Variants in KIF21A observed in about 807,000 individuals in gnomAD.
KIF21A encodes the protein kinesin-like protein KIF21A.
KIF21A carries 114 observed loss-of-function variants against 202.9 expected under a neutral mutation model. That is an observed-to-expected ratio of 0.56 (90% CI 0.48 to 0.66). KIF21A has a LOEUF of 0.66. Among genes scored for constraint, KIF21A ranks in the 30% least tolerant of loss-of-function variants. KIF21A has a pLI of 0.00. For synonymous variants in KIF21A, 667 were observed against 670.8 expected, an observed-to-expected ratio of 0.99 and a Z score of 0.09; for missense variants, 1,677 against 1,994.9, an observed-to-expected ratio of 0.84 and a Z score of 3.04.
intron 37 of KIF21A, among the ~76,000 whole-genome samples, chr12:39,297,400 T>G (rs536777820): frequency 6.6e-6 from 1 of 152,072 alleles, no homozygotes; most frequent in Non-Finnish European, 1.5e-5. Flanking sequence ...TGGAATACTA[T>G]GCAGCCATAA....
chr12:39,421,306 G>A (rs376835292), intron 1 of KIF21A, among the ~76,000 whole-genome samples: 3 of 152,062 alleles, frequency 2.0e-5, no homozygotes, highest in African/African-American at 4.8e-5. Context: ...TCACACAACC[G>A]CAAAATTGCC....
At chr12:39,374,490 C>A (rs1459282058) in intron 1 of KIF21A, among the ~76,000 whole-genome samples, 1 of 152,078 alleles carries the variant, frequency 6.6e-6, no homozygotes, top group Admixed American at 6.6e-5. Context: ...TATTCTACAA[C>A]TAGATGTATT....
Position 39,333,113 on chromosome 12 carries a change from A to G in KIF21A, c.2488-6T>C. The stretch of plus-strand genomic sequence containing the variant: ...TGCCGACGAAGAGCCGTAACCTGAA[A>G]TTGCAGCAAAGGTTGACTCATTCTC... On this transcript the variant is annotated splice_polypyrimidine_tract_variant and splice_region_variant and intron_variant, in intron 18 of 37. Transcript: ENST00000361418. 6.2e-7 allele frequency: 1 copy of G among 1,613,406 alleles called. No individual in the cohort carries two copies. The highest frequency in any genetic ancestry group is 8.5e-7 in the Non-Finnish European group (1 of 1,179,412).
chr12:39,335,923 C>T (rs1378257716), intron 17 of KIF21A, among the ~76,000 whole-genome samples: 1 of 152,144 alleles, frequency 6.6e-6, no homozygotes, highest in Non-Finnish European at 1.5e-5. Flanking sequence ...CCTCACTACC[C>T]CCCTTTTCTC....
chr12:39,329,975 GAAACTGGA>G lies in KIF21A; in HGVS notation c.3340+259_3340+266del, dbSNP rs1280841185. 19 of 376,060 alleles carry G rather than the reference GAAACTGGA, an allele frequency of 5.1e-5. No homozygotes were observed. The Admixed American group carries it at 6.3e-4, about 12-fold the overall frequency. The allele number at this position is 376,060 out of a possible 1,614,324, so 23.3% of individuals were successfully genotyped here. A position where few individuals can be genotyped will look rare whatever the true frequency, so the allele number is the denominator to read the frequency against. ...AAGAGAAAGAACACAGGGGGTTTAT[GAAACTGGA>G]GGCACAACTGGAACTCAGATAATAA... On this transcript the variant is annotated intron_variant, in intron 24 of 37. Transcript: ENST00000361418.
In KIF21A at chr12:39,440,193, A is replaced by C. The variant is rs144052808; in HGVS notation, c.44+2734T>G. ...TATCAAAATATGAATAACCTGTGAAAGCCACTCATTTGTAAATGAACTAAT... is the reference window on the plus strand; with the variant it reads ...TATCAAAATATGAATAACCTGTGAACGCCACTCATTTGTAAATGAACTAAT... On this transcript the variant is annotated intron_variant, in intron 1 of 37. Transcript: ENST00000361418. Among the ~76,000 whole-genome samples the C allele has an allele frequency of 2.0e-3, 306 of 152,344 alleles. 4 individuals carry two copies. The highest frequency in any genetic ancestry group is 7.1e-3 in the African/African-American group (294 of 41,582).
intron 1 of KIF21A, among the ~76,000 whole-genome samples, chr12:39,403,303 A>C (rs1952320021): frequency 6.6e-6 from 1 of 152,228 alleles, no homozygotes; most frequent in African/African-American, 2.4e-5. Flanking sequence ...TGTAAGACAA[A>C]GCATGTTTAC....
chr12:39,338,363 A>C (rs191899936), intron 16 of KIF21A, among the ~76,000 whole-genome samples: 20 of 152,346 alleles, frequency 1.3e-4, no homozygotes, highest in South Asian at 6.2e-4. Flanking sequence ...ATATTTCAAA[A>C]GAGTCAAAAA....
intron 12 of KIF21A, among the ~76,000 whole-genome samples, chr12:39,342,440 A>G (rs1294338625): frequency 6.6e-6 from 1 of 152,204 alleles, no homozygotes; most frequent in East Asian, 1.9e-4. Context: ...CTAGAATGTA[A>G]GGCAATTTAA....
At chr12:39,354,333 C>A (rs1262472726) in intron 10 of KIF21A, among the ~76,000 whole-genome samples, 1 of 151,876 alleles carries the variant, frequency 6.6e-6, no homozygotes, top group Non-Finnish European at 1.5e-5. Context: ...GAATAGATAG[C>A]AAAACAAAAT....
chr12:39,327,626 C>CTTA (rs1490690670), intron 24 of KIF21A, among the ~76,000 whole-genome samples: 1 of 152,206 alleles, frequency 6.6e-6, no homozygotes, highest in Non-Finnish European at 1.5e-5. Context: ...TTAACTCCTG[C>CTTA]TTATGCCTGT....
intron 24 of KIF21A, among the ~76,000 whole-genome samples, chr12:39,329,133 A>C (rs1946258832): frequency 6.6e-6 from 1 of 152,194 alleles, no homozygotes; most frequent in Admixed American, 6.5e-5. Context: ...CTGTGGGTTT[A>C]AATTTCATTG....
At chr12:39,307,044 C>T (rs922827409) in intron 34 of KIF21A, among the ~76,000 whole-genome samples, 8 of 152,052 alleles carry the variant, frequency 5.3e-5, no homozygotes, top group African/African-American at 1.9e-4. Context: ...AGATGTAATG[C>T]CTTAAATTTT....
chr12:39,433,552 C>T (rs1396053659), intron 1 of KIF21A, among the ~76,000 whole-genome samples: 1 of 152,158 alleles, frequency 6.6e-6, no homozygotes, highest in Non-Finnish European at 1.5e-5. Flanking sequence ...CAACCTAATT[C>T]AGAAGGAAAA....
Position 39,442,965 on chromosome 12 carries a change from C to A in KIF21A, c.6G>T (p.Leu2Phe). ...GCACGGAGCTCTCGTCCGGGGCGCC[C>A]AACATGCTGGCGGCGGGCAGCGATC... MLGAPDESSVRV... is the reference protein window; with the variant it reads MFGAPDESSVRV... Residue 2 changes from leucine to phenylalanine, a missense_variant, in exon 1 of 38, where the codon TTG (leucine) becomes TTT (phenylalanine). By Grantham distance (22) the Leu-to-Phe change is conservative (BLOSUM62 0). Coordinates refer to ENST00000361418, the MANE Select transcript of KIF21A (RefSeq NM_001173464.2). The surrounding 1 kb of genome is among the most constrained non-coding windows in gnomAD (Gnocchi z 5.0). 1 of 1,521,722 alleles carries A rather than the reference C, an allele frequency of 6.6e-7. No individual in the cohort carries two copies. The highest frequency in any genetic ancestry group is 1.2e-5 in the South Asian group (1 of 82,526). 94.3% of individuals were successfully genotyped at this position (1,521,722 alleles called of 1,614,324 possible). A position where few individuals can be genotyped will look rare whatever the true frequency, so the allele number is the denominator to read the frequency against.
At chr12:39,306,054 T>C (rs975801591) in intron 34 of KIF21A, among the ~76,000 whole-genome samples, 4 of 152,346 alleles carry the variant, frequency 2.6e-5, no homozygotes, top group Admixed American at 6.5e-5. Context: ...GGTAGAAAAC[T>C]GTGTGATGTC....
chr12:39,309,139 A>C (rs1311744067), intron 33 of KIF21A, among the ~76,000 whole-genome samples: 1 of 152,164 alleles, frequency 6.6e-6, no homozygotes, highest in Admixed American at 6.5e-5. Flanking sequence ...CTCAGTCCTT[A>C]AAAAACACTC....
At chr12:39,400,094 C>CA (rs1001008153) in intron 1 of KIF21A, among the ~76,000 whole-genome samples, 5 of 152,130 alleles carry the variant, frequency 3.3e-5, no homozygotes, top group Admixed American at 2.0e-4. Flanking sequence ...GAATGCTACA[C>CA]AAAAAATTCT....
intron 29 of KIF21A, among the ~76,000 whole-genome samples, chr12:39,317,750 C>T (rs911737362): frequency 6.6e-6 from 1 of 152,140 alleles, no homozygotes; most frequent in Non-Finnish European, 1.5e-5. Flanking sequence ...CTCACAGAAG[C>T]TGAAGAATCT....
Sources: allele counts gnomAD v4.1 joint callset (sites outside exome capture counted in the v4.1 genomes callset), GRCh38; gene constraint gnomAD v4.1.1; non-coding constraint Gnocchi (gnomAD v3.1); transcripts MANE v1.5; gene names NCBI Gene and HGNC (gene_info 2026-07-23, HGNC 2026-07-21).